ZSWIM6: variants seen among roughly 807,000 people sequenced by gnomAD.
The protein encoded by ZSWIM6 is zinc finger SWIM-type containing 6.
Under a neutral mutation model 113.2 loss-of-function variants are expected in ZSWIM6, and 9 were observed. The observed-to-expected ratio is 0.08, with a 90% CI of 0.05 to 0.14. The LOEUF (loss-of-function observed/expected upper bound fraction) is 0.14, where lower values mean the gene tolerates loss of function less well. ZSWIM6 is among the 10% of genes least tolerant of loss of function. The pLI is 1.00. For synonymous variants in ZSWIM6, 611 were observed against 606.5 expected (o/e 1.01, Z -0.11); for missense variants, 1,162 against 1,552.2 (o/e 0.75, Z 4.22).
At chr5:61,361,433 AT>A (rs1356337411) in intron 1 of ZSWIM6, among the ~76,000 whole-genome samples, 1 of 152,194 alleles carries the variant, frequency 6.6e-6, no homozygotes, top group Non-Finnish European at 1.5e-5. Flanking sequence ...GTTTTTCAGT[AT>A]CATCCTCCTG....
intron 4 of ZSWIM6, among the ~76,000 whole-genome samples, chr5:61,508,295 T>A (rs934163600): frequency 1.3e-5 from 2 of 152,166 alleles, no homozygotes; most frequent in African/African-American, 4.8e-5. Flanking sequence ...AAATGTAGAA[T>A]CTAATTAGGA....
At chr5:61,395,156 C>A (rs1178730968) in intron 1 of ZSWIM6, among the ~76,000 whole-genome samples, 1 of 152,152 alleles carries the variant, frequency 6.6e-6, no homozygotes, top group East Asian at 1.9e-4. Flanking sequence ...TCAGTGCTCT[C>A]ATGGCCTGGA....
At chr5:61,536,056 C>T (rs1749563939) in intron 10 of ZSWIM6, among the ~76,000 whole-genome samples, 1 of 152,192 alleles carries the variant, frequency 6.6e-6, no homozygotes, top group Admixed American at 6.5e-5. Flanking sequence ...TGCAGGAAAG[C>T]AACTCCCTGT....
chr5:61,495,721 T>C (rs1410236599), intron 4 of ZSWIM6, among the ~76,000 whole-genome samples: 1 of 152,172 alleles, frequency 6.6e-6, no homozygotes, highest in African/African-American at 2.4e-5. Flanking sequence ...TAAATAAGTA[T>C]TTTCATAAAA....
intron 7 of ZSWIM6, among the ~76,000 whole-genome samples, chr5:61,526,631 G>A (rs965193384): frequency 2.6e-5 from 4 of 151,962 alleles, no homozygotes; most frequent in African/African-American, 9.7e-5. Flanking sequence ...TTTTTTAAGG[G>A]GGATAATTTT....
In ZSWIM6 at chr5:61,418,278, A is replaced by T. The variant is rs186020150; in HGVS notation, c.677-54403A>T. Among the ~76,000 whole-genome samples the T allele has an allele frequency of 9.4e-3, 1,427 of 151,976 alleles. 6 individuals are homozygous for T. Among genetic ancestry groups the T allele is most frequent in the Non-Finnish European group, 0.014 (920 of 67,928 alleles). Reference sequence around the variant, plus strand: ...CTATGATTTATTTATTTATTTATTTATTTTTTTGAGGCGAAATCTTGCTCT... The same window carrying T: ...CTATGATTTATTTATTTATTTATTTTTTTTTTTGAGGCGAAATCTTGCTCT... On this transcript the variant is annotated intron_variant, in intron 1 of 13. Transcript: ENST00000252744.
intron 1 of ZSWIM6, among the ~76,000 whole-genome samples, chr5:61,405,245 A>G (rs983904296): frequency 3.9e-5 from 6 of 152,216 alleles, no homozygotes; most frequent in Admixed American, 2.6e-4. Flanking sequence ...GTAAACTCCA[A>G]CCACCAAAGA....
chr5:61,352,520 C>T (rs892618615), intron 1 of ZSWIM6, among the ~76,000 whole-genome samples: 3 of 152,210 alleles, frequency 2.0e-5, no homozygotes, highest in African/African-American at 7.2e-5. Context: ...GTGGTTCCAT[C>T]TATCTATTGC....
intron 1 of ZSWIM6, among the ~76,000 whole-genome samples, chr5:61,336,866 A>C (rs187415641): frequency 2.0e-5 from 3 of 152,386 alleles, no homozygotes. Flanking sequence ...AGGTTGGTAG[A>C]AAACTTACAA....
chr5:61,476,467 T>G (rs1030489329), intron 2 of ZSWIM6, among the ~76,000 whole-genome samples: 10 of 152,196 alleles, frequency 6.6e-5, no homozygotes, highest in Admixed American at 2.0e-4. Context: ...TTTCAATATG[T>G]TTTCATAAAA....
chr5:61,494,753 T>G (rs1042564403), intron 4 of ZSWIM6, among the ~76,000 whole-genome samples: 10 of 152,190 alleles, frequency 6.6e-5, no homozygotes, highest in African/African-American at 2.4e-4. Flanking sequence ...TGTAATTGAT[T>G]CAGCTAAAAT....
At chr5:61,378,409 CG>C (rs1157615183) in intron 1 of ZSWIM6, among the ~76,000 whole-genome samples, 1 of 152,090 alleles carries the variant, frequency 6.6e-6, no homozygotes, top group Non-Finnish European at 1.5e-5. Flanking sequence ...GTTTTGCTGC[CG>C]TTTGAGGAGA....
chr5:61,497,616 T>TA (rs1326878337), intron 4 of ZSWIM6, among the ~76,000 whole-genome samples: 3 of 152,194 alleles, frequency 2.0e-5, no homozygotes, highest in African/African-American at 7.2e-5. Context: ...CATTTACAGA[T>TA]ACATTTATCT....
chr5:61,537,962 A>C (rs1396502996), intron 10 of ZSWIM6, among the ~76,000 whole-genome samples: 1 of 152,162 alleles, frequency 6.6e-6, no homozygotes, highest in African/African-American at 2.4e-5. Flanking sequence ...GTTTTGAGAC[A>C]GGGTTTTGCT....
intron 1 of ZSWIM6, among the ~76,000 whole-genome samples, chr5:61,418,581 T>G (rs1477405427): frequency 6.6e-6 from 1 of 152,126 alleles, no homozygotes; most frequent in Non-Finnish European, 1.5e-5. Context: ...TTTATTTAAA[T>G]GAAACCTTCT....
intron 1 of ZSWIM6, among the ~76,000 whole-genome samples, chr5:61,438,811 C>G (rs1024761610): frequency 2.6e-5 from 4 of 152,096 alleles, no homozygotes; most frequent in Non-Finnish European, 5.9e-5. Flanking sequence ...TGATGGGGGA[C>G]TGTGAGGAGG....
At chr5:61,413,763 C>G (rs375078216) in intron 1 of ZSWIM6, among the ~76,000 whole-genome samples, 8 of 152,152 alleles carry the variant, frequency 5.3e-5, no homozygotes, top group African/African-American at 9.7e-5. Context: ...TTGCATTTCT[C>G]TGATGGCCAG....
intron 4 of ZSWIM6, among the ~76,000 whole-genome samples, chr5:61,502,128 G>A (rs1386150783): frequency 6.6e-6 from 1 of 152,092 alleles, no homozygotes; most frequent in Admixed American, 6.6e-5. Flanking sequence ...TGGCAGCATA[G>A]AAAAATTAAT....
rs1435888005 is a variant in ZSWIM6, at chr5:61,457,437, A to G, written c.677-15244A>G. On this transcript the variant is annotated intron_variant, in intron 1 of 13. Transcript: ENST00000252744. ...GGAATTTTCCTTGACTGTATATCCA[A>G]TATATTTATATTTTAGGCAAGTAAA... Among the ~76,000 whole-genome samples, 9 of 152,162 alleles carry G rather than the reference A, an allele frequency of 5.9e-5. No homozygotes were observed. The East Asian group carries it at 1.5e-3, about 26-fold the overall frequency.
Sources: gnomAD v4.1 joint callset for allele counts (sites outside exome capture counted in the v4.1 genomes callset) on GRCh38, gnomAD v4.1.1 for gene constraint, MANE v1.5 for transcripts, NCBI Gene and HGNC (gene_info 2026-07-23, HGNC 2026-07-21) for gene names.